Variants in NUDT9 observed in about 807,000 individuals in gnomAD.
The protein encoded by NUDT9 is ADP-ribose pyrophosphatase.
NUDT9 carries 31 observed loss-of-function variants against 41.0 expected under a neutral mutation model. The observed-to-expected ratio is 0.76, with a 90% CI of 0.57 to 1.02. NUDT9 has a LOEUF of 1.02. Among genes scored for constraint, NUDT9 ranks in the 50% least tolerant of loss-of-function variants. NUDT9 has a pLI of 0.00. For missense variants in NUDT9, 380 were observed against 431.4 expected (o/e 0.88, Z 1.06); for synonymous variants, 146 against 147.6 (o/e 0.99, Z 0.08).
chr4:87,446,807 T>C (rs1349691070), intron 4 of NUDT9, among the ~76,000 whole-genome samples: 1 of 152,174 alleles, frequency 6.6e-6, no homozygotes, highest in Non-Finnish European at 1.5e-5. Flanking sequence ...GTGTTTTATA[T>C]ATATATAATA....
intron 4 of NUDT9, among the ~76,000 whole-genome samples, chr4:87,445,164 T>C (rs767069141): frequency 3.3e-5 from 5 of 152,178 alleles, no homozygotes; most frequent in Non-Finnish European, 7.3e-5. Flanking sequence ...ATATCTATTT[T>C]GAGGATTTGA....
chr4:87,428,321 A>T (rs924083944), intron 1 of NUDT9, among the ~76,000 whole-genome samples: 4 of 152,232 alleles, frequency 2.6e-5, no homozygotes, highest in African/African-American at 9.6e-5. Context: ...TCCAACTGAC[A>T]GTTTGTCAGT....
In NUDT9 at chr4:87,446,838, T is replaced by C. The variant is rs999964558; in HGVS notation, c.531-2304T>C. 4.6e-4 allele frequency among the ~76,000 whole-genome samples: 70 copies of C among 152,212 alleles called. 1 individual carries two copies. Among genetic ancestry groups the C allele is most frequent in the Non-Finnish European group, 8.8e-5 (6 of 68,042 alleles). ...TAATAAATGCTATCTAAATGGCTTT[T>C]AGAAAATAAAAATAAAATCCATACT... On this transcript the variant is annotated intron_variant, in intron 4 of 7. Coordinates refer to ENST00000302174, the MANE Select transcript of NUDT9 (RefSeq NM_024047.5).
chr4:87,433,528 C>T (rs1336720056), intron 1 of NUDT9, among the ~76,000 whole-genome samples: 1 of 152,170 alleles, frequency 6.6e-6, no homozygotes, highest in Non-Finnish European at 1.5e-5. Context: ...TAGTCCACAA[C>T]CTTGGTCAAG....
rs548703606 is a variant in NUDT9, at chr4:87,448,255, C to T, written c.531-887C>T. On this transcript the variant is annotated intron_variant, in intron 4 of 7. Coordinates refer to ENST00000302174, the MANE Select transcript of NUDT9 (RefSeq NM_024047.5). ...TGCCTCCTGGGTTCAAGTGATTCTC[C>T]TGCCTCAGCCTCCTGAGTAGCTAGG... is the stretch of plus-strand genomic sequence containing the variant. 5.0e-4 allele frequency among the ~76,000 whole-genome samples: 75 copies of T among 148,750 alleles called. No individual in the cohort carries two copies. In the Middle Eastern group the frequency reaches 0.011, roughly 22 times the overall value.
chr4:87,428,678 G>A (rs1400049997), intron 1 of NUDT9, among the ~76,000 whole-genome samples: 1 of 152,162 alleles, frequency 6.6e-6, no homozygotes, highest in African/African-American at 2.4e-5. Context: ...TATGGAGACA[G>A]TAAAAAGATC....
At chr4:87,426,149 T>C (rs1014640058) in intron 1 of NUDT9, among the ~76,000 whole-genome samples, 2 of 152,112 alleles carry the variant, frequency 1.3e-5, no homozygotes, top group Non-Finnish European at 2.9e-5. Context: ...GGTAGTATAT[T>C]ACAAAGATGT....
chr4:87,453,225 AATATCTTCATAT>A (rs1216853866), intron 6 of NUDT9, among the ~76,000 whole-genome samples: 20 of 152,188 alleles, frequency 1.3e-4, no homozygotes, highest in Non-Finnish European at 2.9e-4. Flanking sequence ...AATAGATCCA[AATATCTTCATAT>A]ATTAATAGCT....
At chr4:87,429,592 G>A (rs1398310209) in intron 1 of NUDT9, among the ~76,000 whole-genome samples, 1 of 150,950 alleles carries the variant, frequency 6.6e-6, no homozygotes, top group East Asian at 1.9e-4. Flanking sequence ...TTTTCCTTCA[G>A]TTTTCTTATC....
intron 1 of NUDT9, among the ~76,000 whole-genome samples, chr4:87,424,756 G>T (rs1028268256): frequency 3.3e-5 from 5 of 152,072 alleles, no homozygotes; most frequent in Non-Finnish European, 7.4e-5. Flanking sequence ...AGGAATACAC[G>T]TGTGTGCTCT....
At chr4:87,445,715 G>A (rs1307898276) in intron 4 of NUDT9, among the ~76,000 whole-genome samples, 2 of 152,146 alleles carry the variant, frequency 1.3e-5, no homozygotes, top group African/African-American at 4.8e-5. Context: ...TTCAGTAAAT[G>A]TTTATTAGGT....
At position 87,451,761 on chromosome 4, in the gene NUDT9, A is replaced by G. The variant is rs1034470203; in HGVS notation, c.789+26A>G. On this transcript the variant is annotated intron_variant, in intron 6 of 7. Transcript: ENST00000302174. ...GTAAGAAATAGTGTTTCTGGGAGGG[A>G]TTTAGTTCTGTGGATTGATGAAAAT... The G allele has an allele frequency of 5.0e-6, 8 of 1,600,340 alleles. No homozygotes were observed. In the Admixed American group the frequency reaches 5.2e-5, roughly 10 times the overall value.
chr4:87,422,824 G>C lies in NUDT9; in HGVS notation c.-82G>C. 1 of 1,058,398 alleles carries C rather than the reference G, an allele frequency of 9.4e-7. No individual in the cohort carries two copies. Among genetic ancestry groups the C allele is most frequent in the South Asian group, 1.4e-5 (1 of 71,728 alleles). The allele number at this position is 1,058,398 out of a possible 1,614,324, so 65.6% of individuals were successfully genotyped here. On this transcript the variant is annotated 5_prime_UTR_variant, in exon 1 of 8. Transcript: ENST00000302174. ...AGTGCCCATCAGATACCCGCGGCCGGGACTCGGAGCTGTGGGGTGTGGGGA... is the reference window on the plus strand; with the variant it reads ...AGTGCCCATCAGATACCCGCGGCCGCGACTCGGAGCTGTGGGGTGTGGGGA...
At chr4:87,434,903 G>A (rs1324331028) in intron 1 of NUDT9, 78 bp from the exon 2 acceptor site, 11 of 1,298,880 alleles carry the variant, frequency 8.5e-6, no homozygotes, top group South Asian at 4.3e-5. Flanking sequence ...ACAGGCGTAA[G>A]CCACTGCACC....
chr4:87,436,812 A>T, intron 2 of NUDT9, among the ~76,000 whole-genome samples: 1 of 152,236 alleles, frequency 6.6e-6, no homozygotes, highest in East Asian at 1.9e-4. Flanking sequence ...ACTCAATGGA[A>T]TTAAAGCAAG....
intron 6 of NUDT9, 80 bp downstream of exon 6, chr4:87,451,815 T>A: frequency 4.2e-6 from 5 of 1,188,970 alleles, no homozygotes; most frequent in Non-Finnish European, 6.0e-6. Flanking sequence ...GAAATCTGTA[T>A]GTCCTTCTCT....
At chr4:87,424,254 G>GGT (rs1721297066) in intron 1 of NUDT9, among the ~76,000 whole-genome samples, 1 of 99,184 alleles carries the variant, frequency 1.0e-5, no homozygotes, top group African/African-American at 4.3e-5. Flanking sequence ...TCCCTAATGC[G>GGT]TTTTTTTTTT....
At chr4:87,446,796 A>G (rs895766032) in intron 4 of NUDT9, among the ~76,000 whole-genome samples, 8 of 152,204 alleles carry the variant, frequency 5.3e-5, no homozygotes, top group African/African-American at 1.4e-4. Flanking sequence ...CACTTAGAAC[A>G]GTGTTTTATA....
rs1432435429 is a variant in NUDT9 at position 87,440,424 on chromosome 4, A to G, written c.444-1405A>G. On this transcript the variant is annotated intron_variant, in intron 3 of 7. Transcript: ENST00000302174. ...TAACCATCTGTGCTTTTCAGGTTTT[A>G]ATATAGTCTGTGTGTCCATTCCAGT... Among the ~76,000 whole-genome samples the G allele has an allele frequency of 3.3e-5, 5 of 152,192 alleles. No homozygotes were observed. The East Asian group carries it at 9.6e-4, about 29-fold the overall frequency.
Sources: gnomAD v4.1 joint callset for allele counts (sites outside exome capture counted in the v4.1 genomes callset) on GRCh38, gnomAD v4.1.1 for gene constraint, MANE v1.5 for transcripts, NCBI Gene and HGNC (gene_info 2026-07-23, HGNC 2026-07-21) for gene names.